Variants in DGKD observed in about 807,000 individuals in gnomAD.
DGKD encodes DAG kinase delta.
A neutral mutation model predicts 154.4 loss-of-function variants in DGKD; 68 were observed. The ratio of observed to expected loss-of-function variants is 0.44; its 90% CI spans 0.36 to 0.54. The LOEUF is 0.54. Among genes scored for constraint, DGKD ranks in the 20% least tolerant of loss-of-function variants. The pLI is 0.00. For synonymous variants in DGKD, 693 were observed against 638.0 expected, an observed-to-expected ratio of 1.09 and a Z score of -1.30; for missense variants, 1,343 against 1,593.6, an observed-to-expected ratio of 0.84 and a Z score of 2.68.
At position 233,360,500 on chromosome 2, in the gene DGKD, CT is replaced by C. The variant is rs917604492; in HGVS notation, c.156+5827del. On this transcript the variant is annotated intron_variant, in intron 1 of 29. Transcript: ENST00000264057. ...CTCAAACTCCTGGGCTCAAGCGATC[CT>C]CCCCCTTTGGCTTCCCAAAGTGCTA... Among the ~76,000 whole-genome samples the C allele has an allele frequency of 2.9e-3, 443 of 152,250 alleles. 4 individuals carry two copies. The highest frequency in any genetic ancestry group is 0.01 in the African/African-American group (425 of 41,530).
At chr2:233,371,011 CA>C (rs34661141) in intron 1 of DGKD, among the ~76,000 whole-genome samples, 32,982 of 152,082 alleles carry the variant, frequency 0.22, 4,173 homozygotes, top group African/African-American at 0.35. Context: ...CTTGGCCTCC[CA>C]GAGTGCTGGG....
intron 3 of DGKD, among the ~76,000 whole-genome samples, chr2:233,394,691 C>CT (rs1162430401): frequency 0.037 from 979 of 26,282 alleles, 109 homozygotes; most frequent in Middle Eastern, 0.05. Flanking sequence ...ATTTAATTCC[C>CT]TTTTTTTTTT....
Position 233,471,952 on chromosome 2 carries a change from T to A in DGKD, c.*2492T>A, listed in dbSNP as rs1426017793. 6.6e-6 allele frequency: 1 copy of A among 152,422 alleles called. No homozygotes were observed. The highest frequency in any genetic ancestry group is 6.5e-5 in the Admixed American group (1 of 15,292). The allele number at this position is 152,422 out of a possible 1,614,324, so 9.4% of individuals were successfully genotyped here. ...AGGTTCTGTGCCCTCAGGTGGGGCT[T>A]ACCCCCTCGTATTTATAATCTTAAT... On this transcript the variant is annotated 3_prime_UTR_variant, in exon 30 of 30. Transcript: ENST00000264057.
At chr2:233,423,397 A>G (rs1473445900) in intron 3 of DGKD, among the ~76,000 whole-genome samples, 3 of 152,072 alleles carry the variant, frequency 2.0e-5, no homozygotes, top group Non-Finnish European at 4.4e-5. Flanking sequence ...CTTTCTCCAT[A>G]TTCTCTCCAG....
rs369040167 is a variant in DGKD, at chr2:233,380,662, A to ATG, written c.157-7578_157-7577dup. Among the ~76,000 whole-genome samples the ATG allele has an allele frequency of 1.7e-3, 254 of 150,504 alleles. 1 individual carries two copies. Among genetic ancestry groups the ATG allele is most frequent in the South Asian group, 6.7e-3 (32 of 4,754 alleles). On this transcript the variant is annotated intron_variant, in intron 1 of 29. Coordinates refer to ENST00000264057, the MANE Select transcript of DGKD (RefSeq NM_152879.3). ...AAACAAGGTCCTGTGAGCAGTGAGGATGTGTGTGTGTGTGTGTGGGGGGGT... is the reference window on the plus strand; with the variant it reads ...AAACAAGGTCCTGTGAGCAGTGAGGATGTGTGTGTGTGTGTGTGTGGGGGGGT...
chr2:233,457,348 G>C lies in DGKD; in HGVS notation c.2580+20G>C. On this transcript the variant is annotated intron_variant, in intron 21 of 29. Transcript: ENST00000264057. This position sits in a 1 kb window ranked among gnomAD's most constrained non-coding sequence, Gnocchi z 5.5. ...GATGATGTATGTATGGGGTGTGAGC[G>C]GGTGGGCCTGAGCTCAGTGGGGAAG... is the stretch of plus-strand genomic sequence containing the variant. 6.5e-7 allele frequency: 1 copy of C among 1,546,418 alleles called. No homozygotes were observed. Among genetic ancestry groups the C allele is most frequent in the Non-Finnish European group, 8.8e-7 (1 of 1,130,818 alleles).
intron 10 of DGKD, among the ~76,000 whole-genome samples, chr2:233,443,471 CT>C (rs2062964002): frequency 6.6e-6 from 1 of 151,974 alleles, no homozygotes. Flanking sequence ...GGGGGGTGGT[CT>C]TTTCTTTCAT....
chr2:233,458,687 C>T lies in DGKD; in HGVS notation c.2694+290C>T, dbSNP rs550553963. 1.3e-4 allele frequency among the ~76,000 whole-genome samples: 19 copies of T among 150,786 alleles called. No homozygotes were observed. The South Asian group carries it at 3.3e-3, about 27-fold the overall frequency. ...AGTGCAGTGGTGCAATCTCGGCTTG[C>T]TGCAACCTCCACCTCCCTGGTTCAA... On this transcript the variant is annotated intron_variant, in intron 22 of 29. Transcript: ENST00000264057. This position sits in a 1 kb window ranked among gnomAD's most constrained non-coding sequence, Gnocchi z 6.6.
At chr2:233,380,113 T>A (rs1289147809) in intron 1 of DGKD, among the ~76,000 whole-genome samples, 1 of 152,168 alleles carries the variant, frequency 6.6e-6, no homozygotes, top group Non-Finnish European at 1.5e-5. Context: ...TTTTAACAAA[T>A]ACAATCAATG....
At position 233,456,955 on chromosome 2, in the gene DGKD, A is replaced by C; in HGVS notation, c.2432A>C (p.His811Pro). The change falls in exon 20 of 30, where the codon CAC (histidine) becomes CCC (proline). Residue 811 changes from histidine (H) to proline (P), a missense_variant. His to Pro is a moderately conservative substitution (Grantham distance 77). Transcript: ENST00000264057. ...YGVLGTKELL[H>P]RTYKNLEQKV... Reference sequence around the variant, plus strand: ...GTTCTTGGAACCAAAGAGTTGCTGCACAGAACCTACAAGAACCTGGAGCAA... The same window carrying C: ...GTTCTTGGAACCAAAGAGTTGCTGCCCAGAACCTACAAGAACCTGGAGCAA... 6.2e-7 allele frequency: 1 copy of C among 1,614,216 alleles called. No homozygotes were observed. Among genetic ancestry groups the C allele is most frequent in the Middle Eastern group, 1.7e-4 (1 of 6,060 alleles).
chr2:233,449,029 T>C lies in DGKD; in HGVS notation c.1615-74T>C, dbSNP rs1194301505. The C allele has an allele frequency of 5.4e-6, 8 of 1,491,318 alleles. No individual in the cohort carries two copies. In the Admixed American group the frequency reaches 1.1e-4, roughly 20 times the overall value. The allele number at this position is 1,491,318 out of a possible 1,614,324, so 92.4% of individuals were successfully genotyped here. ...CGAGTTCTAGGAAGTCTGGGTGAAA[T>C]GGCCTGAGGTTCCCTGCCTGCAGAC... On this transcript the variant is annotated intron_variant, in intron 14 of 29. Coordinates refer to ENST00000264057, the MANE Select transcript of DGKD (RefSeq NM_152879.3). The surrounding 1 kb of genome is among the most constrained non-coding windows in gnomAD (Gnocchi z 5.3).
intron 10 of DGKD, chr2:233,442,664 G>A (rs1302196539): frequency 6.2e-6 from 1 of 162,518 alleles, no homozygotes; most frequent in Non-Finnish European, 1.4e-5. Flanking sequence ...GGAGTGCAGT[G>A]GTGCGATCTC....
chr2:233,390,557 C>G, intron 3 of DGKD, 74 bp downstream of exon 3: 1 of 1,093,672 alleles, frequency 9.1e-7, no homozygotes, highest in East Asian at 2.4e-5. Flanking sequence ...AACATGTGTC[C>G]AAGCAGTTCA....
chr2:233,461,291 TCTC>T lies in DGKD; in HGVS notation c.2981+949_2981+951del, dbSNP rs775142963. Among the ~76,000 whole-genome samples the T allele has an allele frequency of 1.0e-3, 152 of 152,298 alleles. 1 individual carries two copies. Among genetic ancestry groups the T allele is most frequent in the East Asian group, 5.8e-4 (3 of 5,164 alleles). ...TTCTTGTTTCCCCTGGGCTCCTTCT[TCTC>T]CTGGCTGTGGACAGGTGCACCCGTC... On this transcript the variant is annotated intron_variant, in intron 24 of 29. Coordinates refer to ENST00000264057, the MANE Select transcript of DGKD (RefSeq NM_152879.3).
chr2:233,449,244 T>A lies in DGKD; in HGVS notation c.1756T>A (p.Ser586Thr), dbSNP rs1213123314. The A allele has an allele frequency of 6.2e-7, 1 of 1,613,806 alleles. No homozygotes were observed. The highest frequency in any genetic ancestry group is 1.3e-5 in the African/African-American group (1 of 75,042). Residue 586 changes from serine to threonine, a missense_variant, in exon 15 of 30, where the codon TCC becomes ACC. Transcript: ENST00000264057. The surrounding 1 kb of genome is among the most constrained non-coding windows in gnomAD (Gnocchi z 5.3). ...AGATGGGTCGGGCAGCATCTGCGGT[T>A]CCACCGGAGACCGCTTGGTGGCATC... The part of the protein sequence containing the change: ...DGDGSGSICG[S>T]TGDRLVASAC...
chr2:233,399,568 T>A (rs2061507992), intron 3 of DGKD, among the ~76,000 whole-genome samples: 1 of 152,154 alleles, frequency 6.6e-6, no homozygotes, highest in Non-Finnish European at 1.5e-5. Flanking sequence ...GAAGGGATGT[T>A]TCTTGCCAGA....
At chr2:233,366,838 A>T (rs554656088) in intron 1 of DGKD, among the ~76,000 whole-genome samples, 1 of 152,280 alleles carries the variant, frequency 6.6e-6, no homozygotes, top group South Asian at 2.1e-4. Flanking sequence ...GAGGAGGACT[A>T]GTCAAAGAAG....
Position 233,394,038 on chromosome 2 carries a change from GT to G in DGKD, c.348+3561del, listed in dbSNP as rs537214238. Among the ~76,000 whole-genome samples, 317 of 152,224 alleles carry G rather than the reference GT, an allele frequency of 2.1e-3. 1 individual carries two copies. The highest frequency in any genetic ancestry group is 6.8e-3 in the Middle Eastern group (2 of 294). The stretch of plus-strand genomic sequence containing the variant: ...GTTGTTCAAGTCCTCTTATGATCTT[GT>G]TTTTTATCGCTTGAGCTTCCATAGG... On this transcript the variant is annotated intron_variant, in intron 3 of 29. Transcript: ENST00000264057.
chr2:233,409,120 T>C (rs541334629), intron 3 of DGKD: 2 of 152,342 alleles, frequency 1.3e-5, no homozygotes, highest in South Asian at 4.1e-4. Context: ...CAGTTACTCG[T>C]CTGGGCTGTT....
Sources: gnomAD v4.1 joint callset for allele counts (sites outside exome capture counted in the v4.1 genomes callset) on GRCh38, gnomAD v4.1.1 for gene constraint, Gnocchi (gnomAD v3.1) non-coding constraint, MANE v1.5 for transcripts, NCBI Gene and HGNC (gene_info 2026-07-23, HGNC 2026-07-21) for gene names.